TRPC6: variants seen among roughly 807,000 people sequenced by gnomAD.
TRPC6 encodes the protein transient receptor potential cation channel subfamily C member 6, also known as short transient receptor potential channel 6.
In TRPC6, 55 loss-of-function variants were observed where a neutral mutation model predicts 90.7. The ratio of observed to expected loss-of-function variants is 0.61; its 90% CI spans 0.49 to 0.76. The LOEUF (loss-of-function observed/expected upper bound fraction) is 0.76, where lower values mean the gene tolerates loss of function less well. Ranked by LOEUF, TRPC6 falls within the 30% of genes least tolerant of loss-of-function variation. The pLI is 0.00. For synonymous variants in TRPC6, 393 were observed against 393.0 expected (o/e 1.00, Z 0.00); for missense variants, 989 against 1,122.7 (o/e 0.88, Z 1.70).
intron 1 of TRPC6, among the ~76,000 whole-genome samples, chr11:101,581,433 A>G (rs1000363074): frequency 2.6e-5 from 4 of 152,246 alleles, no homozygotes; most frequent in African/African-American, 9.6e-5. Flanking sequence ...ATATATAACC[A>G]CAAGGTTTTT....
chr11:101,504,350 A>G lies in TRPC6; in HGVS notation c.619T>C (p.Tyr207His). The G allele has an allele frequency of 1.2e-6, 2 of 1,614,084 alleles. No homozygotes were observed. Among genetic ancestry groups the G allele is most frequent in the South Asian group, 2.2e-5 (2 of 91,084 alleles). ...SQSELQQDDF[Y>H]AYDEDGTRFS... ...CGTGTCCCATCTTCATCATAGGCAT[A>G]AAAATCATCTTGCTGGAGTTCAGAC... is the stretch of plus-strand genomic sequence containing the variant. The change falls in exon 2 of 13, where the codon TAT becomes CAT. Residue 207 changes from tyrosine to histidine, a missense_variant. Coordinates refer to ENST00000344327, the MANE Select transcript of TRPC6 (RefSeq NM_004621.6).
chr11:101,519,009 C>A (rs1860588396), intron 1 of TRPC6, among the ~76,000 whole-genome samples: 1 of 152,004 alleles, frequency 6.6e-6, no homozygotes, highest in South Asian at 2.1e-4. Flanking sequence ...AATTCATGGA[C>A]ACAGAGAGTA....
At chr11:101,479,536 T>C (rs899625914) in intron 5 of TRPC6, among the ~76,000 whole-genome samples, 2 of 152,174 alleles carry the variant, frequency 1.3e-5, no homozygotes, top group African/African-American at 4.8e-5. Context: ...TGTCATCCTC[T>C]CCCTCAAGCC....
chr11:101,501,288 T>C (rs1860117800), intron 2 of TRPC6, among the ~76,000 whole-genome samples: 1 of 151,934 alleles, frequency 6.6e-6, no homozygotes, highest in South Asian at 2.1e-4. Context: ...ACTGAAAGGA[T>C]ATGTGCTAGC....
At chr11:101,515,364 C>T (rs1445670077) in intron 1 of TRPC6, among the ~76,000 whole-genome samples, 1 of 152,100 alleles carries the variant, frequency 6.6e-6, no homozygotes, top group Non-Finnish European at 1.5e-5. Context: ...TTTTAATCTT[C>T]GGAATACTCT....
At chr11:101,529,434 G>A (rs1224487890) in intron 1 of TRPC6, among the ~76,000 whole-genome samples, 2 of 152,214 alleles carry the variant, frequency 1.3e-5, no homozygotes, top group Non-Finnish European at 2.9e-5. Context: ...AAAAGCACGA[G>A]CGTGCACTGA....
chr11:101,526,861 C>CAAAAAAAAAAAAAAAAA (rs573864895), intron 1 of TRPC6, among the ~76,000 whole-genome samples: 2 of 36,120 alleles, frequency 5.5e-5, no homozygotes, highest in African/African-American at 1.2e-4. Context: ...GAGACTGTCT[C>CAAAAAAAAAAAAAAAAA]AAAAAAAAAA....
intron 10 of TRPC6, among the ~76,000 whole-genome samples, chr11:101,462,798 C>A (rs10895113): frequency 0.31 from 46,812 of 151,930 alleles, 9,345 homozygotes; most frequent in African/African-American, 0.57. Context: ...AATACCCTTT[C>A]TTTCTTTCTC....
chr11:101,477,222 C>T (rs1457154675), intron 5 of TRPC6, among the ~76,000 whole-genome samples: 1 of 151,184 alleles, frequency 6.6e-6, no homozygotes, highest in Admixed American at 6.6e-5. Context: ...TGCCTGCTCT[C>T]TGTCCCTTGG....
At chr11:101,517,113 C>G (rs1860540702) in intron 1 of TRPC6, among the ~76,000 whole-genome samples, 2 of 152,210 alleles carry the variant, frequency 1.3e-5, no homozygotes, top group Admixed American at 1.3e-4. Flanking sequence ...CCATTTGCAG[C>G]TGTATTCAGT....
At chr11:101,469,179 T>G (rs943917684) in intron 10 of TRPC6, among the ~76,000 whole-genome samples, 18 of 152,306 alleles carry the variant, frequency 1.2e-4, no homozygotes, top group African/African-American at 4.3e-4. Context: ...CAGTCTTCTA[T>G]TCCATCACCA....
At chr11:101,569,116 A>G (rs1263305222) in intron 1 of TRPC6, among the ~76,000 whole-genome samples, 3 of 152,048 alleles carry the variant, frequency 2.0e-5, no homozygotes, top group Non-Finnish European at 2.9e-5. Context: ...CAGGAGACCC[A>G]TCTCACATGC....
intron 3 of TRPC6, among the ~76,000 whole-genome samples, chr11:101,490,103 A>C (rs1007455739): frequency 6.6e-6 from 1 of 152,206 alleles, no homozygotes; most frequent in African/African-American, 2.4e-5. Flanking sequence ...TTACGAGTAA[A>C]AGTCATGCAA....
At chr11:101,458,430 G>C (rs1265856728) in intron 10 of TRPC6, among the ~76,000 whole-genome samples, 3 of 152,182 alleles carry the variant, frequency 2.0e-5, no homozygotes, top group African/African-American at 7.2e-5. Flanking sequence ...ACTGGAATGT[G>C]ATCTGTTCAG....
intron 1 of TRPC6, among the ~76,000 whole-genome samples, chr11:101,506,112 T>C (rs1860259140): frequency 6.6e-6 from 1 of 152,100 alleles, no homozygotes; most frequent in Non-Finnish European, 1.5e-5. Context: ...CTTCGTGTCT[T>C]AAGGTCTTTT....
At chr11:101,467,163 A>C (rs1859168903) in intron 10 of TRPC6, among the ~76,000 whole-genome samples, 1 of 152,210 alleles carries the variant, frequency 6.6e-6, no homozygotes, top group Non-Finnish European at 1.5e-5. Context: ...CCATCTTGCC[A>C]GCAATCCTGT....
chr11:101,552,638 CA>C (rs1426261346), intron 1 of TRPC6, among the ~76,000 whole-genome samples: 2 of 152,010 alleles, frequency 1.3e-5, no homozygotes, highest in Admixed American at 6.6e-5. Context: ...ACAAATCCTA[CA>C]AGAAGTTTAG....
intron 1 of TRPC6, among the ~76,000 whole-genome samples, chr11:101,571,217 A>G (rs974618833): frequency 1.3e-5 from 2 of 152,328 alleles, no homozygotes; most frequent in Middle Eastern, 3.4e-3. Context: ...GCATTCCTAT[A>G]CACCAATAAC....
intron 4 of TRPC6, among the ~76,000 whole-genome samples, chr11:101,485,784 G>A (rs1859666375): frequency 6.6e-6 from 1 of 151,988 alleles, no homozygotes; most frequent in Non-Finnish European, 1.5e-5. Flanking sequence ...ACGAGGTTGG[G>A]GACATAAAAT....
Sources: gnomAD v4.1 joint callset for allele counts (sites outside exome capture counted in the v4.1 genomes callset) on GRCh38, gnomAD v4.1.1 for gene constraint, MANE v1.5 for transcripts, NCBI Gene and HGNC (gene_info 2026-07-23, HGNC 2026-07-21) for gene names.